ATRNL1: variants seen among roughly 807,000 people sequenced by gnomAD.
ATRNL1 encodes attractin-like protein 1.
Under a neutral mutation model 182.7 loss-of-function variants are expected in ATRNL1, and 95 were observed. That is an observed-to-expected ratio of 0.52 (90% CI 0.44 to 0.62). The LOEUF is 0.62. ATRNL1 is among the 20% of genes least tolerant of loss of function. The pLI is 0.00. For synonymous variants in ATRNL1, 576 were observed against 568.3 expected (o/e 1.01, Z -0.19); for missense variants, 1,471 against 1,679.5 (o/e 0.88, Z 2.17).
At chr10:115,286,444 T>TC in intron 15 of ATRNL1, 47 bp downstream of exon 15, 1 of 1,241,062 alleles carries the variant, frequency 8.1e-7, no homozygotes, top group Non-Finnish European at 1.1e-6. Flanking sequence ...TATGATAATT[T>TC]CATAATTATT....
At chr10:115,326,176 G>A (rs766335192) in intron 18 of ATRNL1, among the ~76,000 whole-genome samples, 7 of 152,062 alleles carry the variant, frequency 4.6e-5, no homozygotes, top group African/African-American at 7.2e-5. Context: ...ATTGTATATC[G>A]AGAAAACCCT....
chr10:115,198,495 T>C (rs75399794), intron 8 of ATRNL1, among the ~76,000 whole-genome samples: 11,591 of 152,254 alleles, frequency 0.076, 1,443 homozygotes, highest in African/African-American at 0.26. Context: ...CTCCTTGCTA[T>C]GCAGAAGCTT....
intron 21 of ATRNL1, among the ~76,000 whole-genome samples, chr10:115,447,826 C>T (rs1163524016): frequency 6.6e-6 from 1 of 151,896 alleles, no homozygotes; most frequent in Non-Finnish European, 1.5e-5. Context: ...TTCCAAATTA[C>T]ACTGCAAATA....
In ATRNL1 at chr10:115,381,044, C is replaced by T. The variant is rs1024875028; in HGVS notation, c.3176-13615C>T. Among the ~76,000 whole-genome samples the T allele has an allele frequency of 2.0e-5, 3 of 152,268 alleles. No individual in the cohort carries two copies. In the East Asian group the frequency reaches 5.8e-4, roughly 29 times the overall value. Reference sequence around the variant, plus strand: ...TTTCTATTTCTCCATATTCCACAAACTCTTATCATTATCTGTCTTTTTTGT... The same window carrying T: ...TTTCTATTTCTCCATATTCCACAAATTCTTATCATTATCTGTCTTTTTTGT... On this transcript the variant is annotated intron_variant, in intron 19 of 28. Transcript: ENST00000355044.
intron 20 of ATRNL1, among the ~76,000 whole-genome samples, chr10:115,412,613 TG>T (rs1845197983): frequency 6.6e-6 from 1 of 152,258 alleles, no homozygotes; most frequent in Non-Finnish European, 1.5e-5. Flanking sequence ...TAGATATTTT[TG>T]TAATATATTC....
chr10:115,483,896 A>G (rs1848892132), intron 24 of ATRNL1, among the ~76,000 whole-genome samples: 1 of 151,636 alleles, frequency 6.6e-6, no homozygotes, highest in South Asian at 2.1e-4. Flanking sequence ...CCATGTTTTT[A>G]GAGTTTGACA....
chr10:115,203,126 T>G (rs998607380), intron 8 of ATRNL1, among the ~76,000 whole-genome samples: 1 of 152,160 alleles, frequency 6.6e-6, no homozygotes, highest in Non-Finnish European at 1.5e-5. Flanking sequence ...GATTGTATTT[T>G]AATATACAGC....
At chr10:115,758,383 C>G (rs1948646648) in intron 27 of ATRNL1, among the ~76,000 whole-genome samples, 1 of 152,156 alleles carries the variant, frequency 6.6e-6, no homozygotes, top group Non-Finnish European at 1.5e-5. Context: ...AGTCAGGCCC[C>G]TCTGCTACAG....
intron 9 of ATRNL1, among the ~76,000 whole-genome samples, chr10:115,228,105 A>G (rs797041934): frequency 1.3e-5 from 2 of 152,284 alleles, no homozygotes; most frequent in South Asian, 4.1e-4. Flanking sequence ...GACTTCTTAT[A>G]TGCTAAAAGA....
At chr10:115,823,316 A>G (rs781981257) in intron 27 of ATRNL1, among the ~76,000 whole-genome samples, 3 of 152,218 alleles carry the variant, frequency 2.0e-5, no homozygotes, top group South Asian at 4.1e-4. Context: ...CCCACAGCCA[A>G]TAACATACTG....
chr10:115,265,199 A>G lies in ATRNL1; in HGVS notation c.1694A>G (p.Asp565Gly). The change falls in exon 11 of 29, where the codon GAT (aspartate) becomes GGT (glycine). Residue 565 changes from aspartate to glycine, a missense_variant. This residue lies in a region of ATRNL1 where 1,031 missense variants were observed against 1,156.0 expected (regional missense o/e 0.89). Transcript: ENST00000355044. Reference sequence around the variant, plus strand: ...TCTGTTTTCTTTTTTCTAGCTTGTGATGAATGGAAAATACTACCAAAACCA... The same window carrying G: ...TCTGTTTTCTTTTTTCTAGCTTGTGGTGAATGGAAAATACTACCAAAACCA... ...ADFLAYDIAC[D>G]EWKILPKPNL... 6.3e-7 allele frequency: 1 copy of G among 1,599,862 alleles called. No homozygotes were observed. Among genetic ancestry groups the G allele is most frequent in the Non-Finnish European group, 8.5e-7 (1 of 1,170,414 alleles).
intron 21 of ATRNL1, among the ~76,000 whole-genome samples, chr10:115,452,934 G>A (rs1554967945): frequency 6.6e-6 from 1 of 151,952 alleles, no homozygotes; most frequent in African/African-American, 2.4e-5. Context: ...ATAAATGTGG[G>A]ATAATACAAT....
intron 27 of ATRNL1, among the ~76,000 whole-genome samples, chr10:115,845,012 T>C (rs556785671): frequency 2.6e-5 from 4 of 152,126 alleles, no homozygotes; most frequent in African/African-American, 9.6e-5. Flanking sequence ...GATGTTTGGG[T>C]TTTTTTGTAT....
At chr10:115,287,924 GTTTTTTT>G (rs11298663) in intron 15 of ATRNL1, among the ~76,000 whole-genome samples, 1 of 91,020 alleles carries the variant, frequency 1.1e-5, no homozygotes. Flanking sequence ...AAGATCAACT[GTTTTTTT>G]TTTTTTTTTT....
intron 26 of ATRNL1, among the ~76,000 whole-genome samples, chr10:115,684,585 G>A (rs1555045777): frequency 6.6e-6 from 1 of 151,298 alleles, no homozygotes; most frequent in Non-Finnish European, 1.5e-5. Context: ...CCATAATATA[G>A]CATAATTTAA....
chr10:115,172,129 A>G (rs551751012), intron 8 of ATRNL1, among the ~76,000 whole-genome samples: 5 of 151,444 alleles, frequency 3.3e-5, no homozygotes, highest in Non-Finnish European at 7.4e-5. Context: ...TCAGAGGAAG[A>G]CTCCCCTTCG....
chr10:115,804,864 G>A (rs1949883055), intron 27 of ATRNL1, among the ~76,000 whole-genome samples: 1 of 151,940 alleles, frequency 6.6e-6, no homozygotes, highest in African/African-American at 2.4e-5. Context: ...TAACTTCTTG[G>A]GAATATATCT....
At chr10:115,549,613 TGCTCTC>T (rs1433777186) in intron 26 of ATRNL1, 77 bp downstream of exon 26, 3 of 974,384 alleles carry the variant, frequency 3.1e-6, no homozygotes, top group Non-Finnish European at 4.4e-6. Flanking sequence ...TTAATTACCA[TGCTCTC>T]TTGGAATGCA....
rs144118818 is a variant in ATRNL1 at position 115,497,442 on chromosome 10, C to A, written c.3655-21821C>A. On this transcript the variant is annotated intron_variant, in intron 24 of 28. Transcript: ENST00000355044. ...CCCCATGGTGGAGGACATCCCTTGG[C>A]TCAATGCCACTTTTGGGCGGGCAAT... Among the ~76,000 whole-genome samples the A allele has an allele frequency of 2.5e-3, 387 of 152,248 alleles. 1 individual carries two copies. The highest frequency in any genetic ancestry group is 8.7e-3 in the African/African-American group (363 of 41,560).
Sources: allele counts gnomAD v4.1 joint callset (sites outside exome capture counted in the v4.1 genomes callset), GRCh38; gene constraint gnomAD v4.1.1; regional missense constraint gnomAD v4.1.1; transcripts MANE v1.5; gene names NCBI Gene and HGNC (gene_info 2026-07-23, HGNC 2026-07-21).